ASAP1: variants seen among roughly 807,000 people sequenced by gnomAD.
ASAP1 encodes the protein ArfGAP with SH3 domain, ankyrin repeat and PH domain 1.
In ASAP1, 43 loss-of-function variants were observed where a neutral mutation model predicts 145.2. The observed-to-expected ratio is 0.30, with a 90% confidence interval of 0.23 to 0.38. ASAP1 has a LOEUF of 0.38. Among genes scored for constraint, ASAP1 ranks in the 10% least tolerant of loss-of-function variants. The probability of loss-of-function intolerance (pLI) is 1.00; values close to 1 mark genes in which losing one functional copy is unlikely to be tolerated. For synonymous variants in ASAP1, 546 were observed against 515.5 expected (o/e 1.06, Z -0.80); for missense variants, 1,018 against 1,355.3 (o/e 0.75, Z 3.91).
At chr8:130,398,064 C>T (rs1828614449) in intron 2 of ASAP1, among the ~76,000 whole-genome samples, 1 of 152,248 alleles carries the variant, frequency 6.6e-6, no homozygotes, top group East Asian at 1.9e-4. Context: ...AGAGCACAGG[C>T]TTTGGAATCA....
In ASAP1 at chr8:130,358,423, T is replaced by G. The variant is rs1448490897; in HGVS notation, c.60-280A>C. On this transcript the variant is annotated intron_variant, in intron 2 of 29. Coordinates refer to ENST00000518721, the MANE Select transcript of ASAP1 (RefSeq NM_018482.4). The surrounding 1 kb of genome is among the most constrained non-coding windows in gnomAD (Gnocchi z 4.1). ...TCCGGGACCCGCCTCCCTCTGCTCA[T>G]GCCGGCGGCGGCAGCTCCTCAGCGG... 6.8e-6 allele frequency among the ~76,000 whole-genome samples: 1 copy of G among 147,576 alleles called. No individual in the cohort carries two copies. Among genetic ancestry groups the G allele is most frequent in the African/African-American group, 2.5e-5 (1 of 40,664 alleles).
chr8:130,072,844 T>G (rs2097452564), intron 27 of ASAP1, among the ~76,000 whole-genome samples: 5 of 77,328 alleles, frequency 6.5e-5, no homozygotes, highest in African/African-American at 1.8e-4. Flanking sequence ...GGGGGGCAGT[T>G]TTGGGGACTG....
Position 130,159,701 on chromosome 8 carries a change from A to G in ASAP1, c.1010+163T>C, listed in dbSNP as rs540866994. Among the ~76,000 whole-genome samples the G allele has an allele frequency of 3.9e-5, 6 of 152,270 alleles. No individual in the cohort carries two copies. In the South Asian group the frequency reaches 1.2e-3, roughly 32 times the overall value. On this transcript the variant is annotated intron_variant, in intron 12 of 29. Coordinates refer to ENST00000518721, the MANE Select transcript of ASAP1 (RefSeq NM_018482.4). ...CCACAGAGCAATTACTGTTTCTTCTAAAGAGAGCTGGTCAAATCTCGGATT... is the reference window on the plus strand; with the variant it reads ...CCACAGAGCAATTACTGTTTCTTCTGAAGAGAGCTGGTCAAATCTCGGATT...
intron 24 of ASAP1, among the ~76,000 whole-genome samples, chr8:130,107,516 ATG>A (rs2097539247): frequency 7.3e-5 from 6 of 81,874 alleles, no homozygotes; most frequent in African/African-American, 1.4e-4. Context: ...TTTTTAAAAA[ATG>A]TATGTATGTA....
At chr8:130,122,927 G>T (rs2097568890) in intron 18 of ASAP1, among the ~76,000 whole-genome samples, 2 of 152,270 alleles carry the variant, frequency 1.3e-5, no homozygotes, top group African/African-American at 2.4e-5. Flanking sequence ...AAAAATGCTG[G>T]TGTGGACAAG....
rs1828812476 is a variant in ASAP1 at position 130,401,883 on chromosome 8, A to G, written c.59+2T>C. On this transcript the variant is annotated splice_donor_variant, in intron 2 of 29. Coordinates refer to ENST00000518721, the MANE Select transcript of ASAP1 (RefSeq NM_018482.4). LOFTEE classifies it high-confidence loss of function. Reference sequence around the variant, plus strand: ...GGACAGGATGGGCTAGAGATCACTCACCGATTCCATAGTGAATCTCTCGAC... The same window carrying G: ...GGACAGGATGGGCTAGAGATCACTCGCCGATTCCATAGTGAATCTCTCGAC... The G allele has an allele frequency of 6.2e-7, 1 of 1,613,404 alleles. No individual in the cohort carries two copies. The highest frequency in any genetic ancestry group is 1.3e-5 in the African/African-American group (1 of 74,924).
chr8:130,193,217 A>C (rs1407951363), intron 5 of ASAP1, among the ~76,000 whole-genome samples: 1 of 152,094 alleles, frequency 6.6e-6, no homozygotes, highest in Non-Finnish European at 1.5e-5. Context: ...AAAAATACAA[A>C]AATTAGCCAG....
chr8:130,356,990 T>C (rs1212682595), intron 3 of ASAP1, among the ~76,000 whole-genome samples: 1 of 152,188 alleles, frequency 6.6e-6, no homozygotes, highest in Non-Finnish European at 1.5e-5. Context: ...AATGGTGCCA[T>C]TTTCAGTTGA....
intron 24 of ASAP1, among the ~76,000 whole-genome samples, chr8:130,097,149 AAAAAAAAAAAAAG>A: frequency 6.8e-6 from 1 of 147,010 alleles, no homozygotes; most frequent in African/African-American, 2.5e-5. Context: ...AAAAAAAAAA[AAAAAAAAAAAAAG>A]TCCTTGAAAA....
intron 2 of ASAP1, among the ~76,000 whole-genome samples, chr8:130,387,074 T>C (rs1828052780): frequency 6.6e-6 from 1 of 152,254 alleles, no homozygotes; most frequent in South Asian, 2.1e-4. Flanking sequence ...TCCTCAAATC[T>C]GTAAAATGCA....
At chr8:130,111,321 G>C (rs997490522) in intron 24 of ASAP1, among the ~76,000 whole-genome samples, 1 of 151,634 alleles carries the variant, frequency 6.6e-6, no homozygotes, top group Non-Finnish European at 1.5e-5. Context: ...CCCCGGAGAT[G>C]GAGGCGACTG....
intron 4 of ASAP1, among the ~76,000 whole-genome samples, chr8:130,234,363 G>A (rs577096404): frequency 6.6e-6 from 1 of 152,188 alleles, no homozygotes; most frequent in African/African-American, 2.4e-5. Context: ...AAACCTAGGA[G>A]GAGGGCACAC....
At chr8:130,204,851 T>C (rs1315077334) in intron 5 of ASAP1, among the ~76,000 whole-genome samples, 1 of 152,210 alleles carries the variant, frequency 6.6e-6, no homozygotes, top group Non-Finnish European at 1.5e-5. Flanking sequence ...TAGCCTATCT[T>C]AACCAATAAA....
intron 13 of ASAP1, among the ~76,000 whole-genome samples, chr8:130,140,295 G>A (rs2097607327): frequency 1.3e-5 from 2 of 151,682 alleles, no homozygotes; most frequent in African/African-American, 4.8e-5. Flanking sequence ...TCAGCCTCAA[G>A]TGAGATTATA....
chr8:130,207,424 T>C (rs764740630), intron 5 of ASAP1, among the ~76,000 whole-genome samples: 17 of 152,244 alleles, frequency 1.1e-4, no homozygotes, highest in Admixed American at 2.6e-4. Context: ...TTTCTAAAAA[T>C]GCCACCAGAA....
intron 2 of ASAP1, among the ~76,000 whole-genome samples, chr8:130,395,629 T>C (rs911916408): frequency 1.3e-4 from 20 of 152,100 alleles, no homozygotes; most frequent in African/African-American, 2.7e-4. Context: ...TGCCAACACG[T>C]TGATCTTGAA....
In ASAP1 at chr8:130,060,789, C is replaced by G. The variant is rs1476462678; in HGVS notation, c.2982G>C (p.Gln994His). Residue 994 changes from glutamine (Q) to histidine (H), a missense_variant, in exon 28 of 30, where the codon CAG (glutamine) becomes CAC (histidine). This residue lies in a region of ASAP1 where 139 missense variants were observed against 131.0 expected (regional missense o/e 1.06). Transcript: ENST00000518721. ...PQMKDLPPKP[Q>H]LGDLLAKSQT... Reference sequence around the variant, plus strand: ...GGGATTTTGCTAGCAGGTCTCCCAGCTGTGGTTTGGGGGGCAGGTCCTTCA... The same window carrying G: ...GGGATTTTGCTAGCAGGTCTCCCAGGTGTGGTTTGGGGGGCAGGTCCTTCA... 1 of 1,614,070 alleles carries G rather than the reference C, an allele frequency of 6.2e-7. No homozygotes were observed. The highest frequency in any genetic ancestry group is 1.1e-5 in the South Asian group (1 of 91,076).
chr8:130,112,459 G>GCTCTCTTTTTTTCTTTC, intron 23 of ASAP1, 137 bp from the exon 24 acceptor site: 1 of 638,936 alleles, frequency 1.6e-6, no homozygotes, highest in Non-Finnish European at 2.7e-6. Context: ...GCCACAATGA[G>GCTCTCTTTTTTTCTTTC]CCTCATGATG....
intron 2 of ASAP1, among the ~76,000 whole-genome samples, chr8:130,394,128 T>C (rs1317143022): frequency 6.6e-6 from 1 of 152,172 alleles, no homozygotes; most frequent in Non-Finnish European, 1.5e-5. Flanking sequence ...AAGAACAGGA[T>C]AACAGCAATG....
Sources: gnomAD v4.1 joint callset for allele counts (sites outside exome capture counted in the v4.1 genomes callset) on GRCh38, gnomAD v4.1.1 for gene constraint, gnomAD v4.1.1 regional missense constraint, Gnocchi (gnomAD v3.1) non-coding constraint, MANE v1.5 for transcripts, NCBI Gene and HGNC (gene_info 2026-07-23, HGNC 2026-07-21) for gene names.